The following ESRRG variants were observed in gnomAD, a reference collection of about 807,000 sequenced individuals.
The protein encoded by ESRRG is estrogen related receptor gamma.
Under a neutral mutation model 44.0 loss-of-function variants are expected in ESRRG, and 13 were observed. The observed-to-expected ratio is 0.30, with a 90% confidence interval of 0.19 to 0.47. The LOEUF (loss-of-function observed/expected upper bound fraction) is 0.47, where lower values mean the gene tolerates loss of function less well. ESRRG is among the 20% of genes least tolerant of loss of function. ESRRG has a pLI of 1.00. For missense variants in ESRRG, 395 were observed against 580.6 expected (o/e 0.68, Z 3.29); for synonymous variants, 215 against 214.6 (o/e 1.00, Z -0.02).
intron 2 of ESRRG, among the ~76,000 whole-genome samples, chr1:216,847,964 G>A (rs1165329034): frequency 6.6e-6 from 1 of 152,108 alleles, no homozygotes; most frequent in South Asian, 2.1e-4. Context: ...GTTGGTATAG[G>A]ACAGCGTTTC....
rs185316907 is a variant in ESRRG at position 216,546,918 on chromosome 1, C to T, written c.862+17301G>A. ...TTTGCTGCACCCGTCAAACCATCAG[C>T]TACATTAGGTATTTCTCCTAATGCT... is the stretch of plus-strand genomic sequence containing the variant. On this transcript the variant is annotated intron_variant, in intron 5 of 6. Transcript: ENST00000408911. Among the ~76,000 whole-genome samples the T allele has an allele frequency of 4.7e-3, 717 of 151,950 alleles. 6 individuals carry two copies. The highest frequency in any genetic ancestry group is 0.016 in the African/African-American group (676 of 41,466).
chr1:217,057,069 C>T (rs933163333), intron 1 of ESRRG, among the ~76,000 whole-genome samples: 1 of 152,114 alleles, frequency 6.6e-6, no homozygotes, highest in South Asian at 2.1e-4. Flanking sequence ...AAGTGTGCAG[C>T]CACTTGGCAC....
chr1:216,788,700 T>C (rs1309867951), intron 2 of ESRRG, among the ~76,000 whole-genome samples: 1 of 152,150 alleles, frequency 6.6e-6, no homozygotes, highest in Non-Finnish European at 1.5e-5. Flanking sequence ...AGACAGTGGT[T>C]CCTCTCATGA....
intron 3 of ESRRG, among the ~76,000 whole-genome samples, chr1:216,632,630 A>G (rs188606583): frequency 2.6e-5 from 4 of 152,286 alleles, no homozygotes; most frequent in African/African-American, 9.6e-5. Flanking sequence ...AAAATTTAAA[A>G]CACAAAATAG....
At chr1:217,004,837 T>A (rs1173366300) in intron 1 of ESRRG, among the ~76,000 whole-genome samples, 3 of 152,200 alleles carry the variant, frequency 2.0e-5, no homozygotes, top group Non-Finnish European at 4.4e-5. Context: ...GCTGCCATGA[T>A]AAATGGTATA....
intron 6 of ESRRG, among the ~76,000 whole-genome samples, chr1:216,508,647 G>A (rs148047307): frequency 1.3e-5 from 2 of 152,194 alleles, no homozygotes; most frequent in Non-Finnish European, 2.9e-5. Flanking sequence ...CACCTCCTAT[G>A]GTGCTGTCTC....
At chr1:217,091,709 G>A (rs78915628), upstream of ESRRG, among the ~76,000 whole-genome samples, 2,518 of 152,226 alleles carry the variant, frequency 0.017, 73 homozygotes, top group African/African-American at 0.057. Context: ...CAGTCTTGTC[G>A]GGTGCTTAGA....
At chr1:217,012,022 T>C (rs12401426) in intron 1 of ESRRG, among the ~76,000 whole-genome samples, 3,561 of 152,196 alleles carry the variant, frequency 0.023, 93 homozygotes, top group East Asian at 0.073. Context: ...GTATCTGAAA[T>C]GCATGCAATT....
At chr1:216,601,337 C>T (rs1480011119) in intron 3 of ESRRG, among the ~76,000 whole-genome samples, 1 of 152,104 alleles carries the variant, frequency 6.6e-6, no homozygotes, top group Non-Finnish European at 1.5e-5. Flanking sequence ...GCGCTGCGCG[C>T]GTCCGGAGCC....
At chr1:216,854,704 G>C (rs2576251) in intron 2 of ESRRG, among the ~76,000 whole-genome samples, 44,897 of 151,974 alleles carry the variant, frequency 0.3, 7,483 homozygotes, top group African/African-American at 0.45. Context: ...TACCAGAGCT[G>C]TGATATAATT....
At chr1:217,027,834 A>G (rs879223032) in intron 1 of ESRRG, among the ~76,000 whole-genome samples, 9 of 152,166 alleles carry the variant, frequency 5.9e-5, no homozygotes, top group Non-Finnish European at 1.2e-4. Flanking sequence ...ACAACACTTG[A>G]CCTTTAGTGG....
chr1:216,559,519 G>A (rs1311324458), intron 5 of ESRRG, among the ~76,000 whole-genome samples: 4 of 152,140 alleles, frequency 2.6e-5, no homozygotes, highest in Admixed American at 2.6e-4. Context: ...AGAATATAAG[G>A]TATGACTAAC....
intron 3 of ESRRG, among the ~76,000 whole-genome samples, chr1:216,573,699 CTAA>C (rs1211508968): frequency 6.6e-6 from 1 of 151,560 alleles, no homozygotes; most frequent in East Asian, 1.9e-4. Flanking sequence ...CCTCCCATCA[CTAA>C]TAATATTATT....
At chr1:216,586,241 C>CA (rs2063772322) in intron 3 of ESRRG, among the ~76,000 whole-genome samples, 1 of 152,018 alleles carries the variant, frequency 6.6e-6, no homozygotes, top group Non-Finnish European at 1.5e-5. Context: ...ACCTGGGTCT[C>CA]AGTTTCTTTA....
chr1:216,842,595 C>T (rs966053897), intron 2 of ESRRG, among the ~76,000 whole-genome samples: 2 of 152,202 alleles, frequency 1.3e-5, no homozygotes, highest in East Asian at 1.9e-4. Context: ...GCTTTCTGCC[C>T]GGAGATGTGG....
At chr1:216,937,917 A>AT (rs111237282) in intron 2 of ESRRG, among the ~76,000 whole-genome samples, 49,361 of 150,126 alleles carry the variant, frequency 0.33, 8,813 homozygotes, top group East Asian at 0.43. Flanking sequence ...CTGCTTTATT[A>AT]TTTTTTTTTT....
intron 2 of ESRRG, among the ~76,000 whole-genome samples, chr1:216,779,558 A>AT (rs1252584858): frequency 2.0e-5 from 2 of 101,864 alleles, no homozygotes; most frequent in East Asian, 2.4e-4. Flanking sequence ...ATAATTATAT[A>AT]TTATATATAA....
chr1:216,757,480 AT>A (rs11572639), intron 2 of ESRRG, among the ~76,000 whole-genome samples: 6 of 151,350 alleles, frequency 4.0e-5, no homozygotes, highest in East Asian at 1.9e-4. Context: ...GCCTTTGACA[AT>A]TTTTTTTTGG....
intron 2 of ESRRG, among the ~76,000 whole-genome samples, chr1:216,930,646 C>T (rs1386020090): frequency 2.0e-5 from 3 of 152,116 alleles, no homozygotes; most frequent in African/African-American, 7.2e-5. Context: ...AGTTAAGAAC[C>T]TGTAGAAATA....
Sources: allele counts gnomAD v4.1 joint callset (sites outside exome capture counted in the v4.1 genomes callset), GRCh38; gene constraint gnomAD v4.1.1; transcripts MANE v1.5; gene names NCBI Gene and HGNC (gene_info 2026-07-23, HGNC 2026-07-21).